The following ATF7IP variants were observed in gnomAD, a reference collection of about 807,000 sequenced individuals.
ATF7IP encodes the protein activating transcription factor 7-interacting protein 1.
In ATF7IP, 23 loss-of-function variants were observed where a neutral mutation model predicts 106.4. That is an observed-to-expected ratio of 0.22 (90% CI 0.16 to 0.31). The LOEUF (loss-of-function observed/expected upper bound fraction) is 0.31. Among genes scored for constraint, ATF7IP ranks in the 10% least tolerant of loss-of-function variants. The probability of loss-of-function intolerance (pLI) is 1.00; values close to 1 mark genes in which losing one functional copy is unlikely to be tolerated. For missense variants in ATF7IP, 1,334 were observed against 1,524.3 expected (o/e 0.88, Z 2.08); for synonymous variants, 542 against 539.0 (o/e 1.01, Z -0.08).
At chr12:14,448,148 T>A (rs1223534996) in intron 6 of ATF7IP, among the ~76,000 whole-genome samples, 3 of 152,190 alleles carry the variant, frequency 2.0e-5, no homozygotes, top group Non-Finnish European at 4.4e-5. Context: ...AAATTGCCAA[T>A]ATCAATAAAT....
intron 5 of ATF7IP, 49 bp from the exon 6 acceptor site, chr12:14,446,939 G>A: frequency 1.6e-6 from 2 of 1,254,308 alleles, no homozygotes; most frequent in South Asian, 1.6e-5. Flanking sequence ...TTTTAATGCT[G>A]TAATACTATT....
chr12:14,472,338 A>G (rs1427872743), intron 10 of ATF7IP, among the ~76,000 whole-genome samples: 2 of 152,224 alleles, frequency 1.3e-5, no homozygotes, highest in African/African-American at 4.8e-5. Flanking sequence ...ATTTTCATTT[A>G]TAAATTAGTC....
chr12:14,396,434 A>G lies in ATF7IP; in HGVS notation c.-7-27475A>G, dbSNP rs191541275. Among the ~76,000 whole-genome samples, 6 of 151,742 alleles carry G rather than the reference A, an allele frequency of 4.0e-5. No homozygotes were observed. In the East Asian group the frequency reaches 1.2e-3, roughly 29 times the overall value. On this transcript the variant is annotated intron_variant, in intron 1 of 14. Transcript: ENST00000261168. ...GTTGCCTTTTGACAGTGTTGCTTGG[A>G]TTTAAAAAAAAAAAGCATATATTTT... is the stretch of plus-strand genomic sequence containing the variant.
Position 14,460,518 on chromosome 12 carries a change from C to T in ATF7IP, c.2182C>T (p.Pro728Ser). 2 of 1,613,886 alleles carry T rather than the reference C, an allele frequency of 1.2e-6. No individual in the cohort carries two copies. The highest frequency in any genetic ancestry group is 1.7e-6 in the Non-Finnish European group (2 of 1,179,864). ...NTVSSTNLVT[P>S]PAVVSSQPKL... ...AGTATCTTCAACCAATCTTGTCACTCCTCCAGCAGTTGTCAGTAGTCAACC... is the reference window on the plus strand; with the variant it reads ...AGTATCTTCAACCAATCTTGTCACTTCTCCAGCAGTTGTCAGTAGTCAACC... Residue 728 changes from proline to serine, a missense_variant, in exon 9 of 15, where the codon CCT (proline) becomes TCT (serine). By Grantham distance (74) the Pro-to-Ser change is moderately conservative. Transcript: ENST00000261168.
chr12:14,424,287 A>G lies in ATF7IP; in HGVS notation c.372A>G (p.Lys124=), dbSNP rs548883815. ...ATATAACTCCAGAACCAGTCTCTAA[A>G]CTGCCTGCTGAACCAGTTTCTGGTG... ...PHNITPEPVS[K]LPAEPVSGDP... The change falls in exon 2 of 15, where the codon AAA becomes AAG. Residue 124 remains lysine, a synonymous_variant. Coordinates refer to ENST00000261168, the MANE Select transcript of ATF7IP (RefSeq NM_018179.5). The G allele has an allele frequency of 3.7e-6, 6 of 1,614,200 alleles. No homozygotes were observed. In the East Asian group the frequency reaches 1.3e-4, roughly 36 times the overall value.
intron 6 of ATF7IP, among the ~76,000 whole-genome samples, chr12:14,452,045 G>GGT (rs144274911): frequency 1.5e-4 from 22 of 151,090 alleles, no homozygotes; most frequent in South Asian, 4.2e-4. Context: ...CTGATGTAGG[G>GGT]GTGTGTGTGT....
intron 2 of ATF7IP, among the ~76,000 whole-genome samples, chr12:14,433,234 C>T (rs1942227619): frequency 6.6e-6 from 1 of 151,940 alleles, no homozygotes; most frequent in Non-Finnish European, 1.5e-5. Flanking sequence ...AGGCCCAGTG[C>T]AGTGGCTTAT....
chr12:14,466,571 C>T lies in ATF7IP; in HGVS notation c.2843C>T (p.Ala948Val), dbSNP rs756074929. The T allele has an allele frequency of 1.2e-6, 2 of 1,604,650 alleles. No individual in the cohort carries two copies. The highest frequency in any genetic ancestry group is 2.3e-5 in the East Asian group (1 of 44,332). Residue 948 changes from alanine to valine, a missense_variant, in exon 10 of 15, where the codon GCA (alanine) becomes GTA (valine). Coordinates refer to ENST00000261168, the MANE Select transcript of ATF7IP (RefSeq NM_018179.5). ...KTIDASVSKK[A>V]ADSTSQCGKA... Reference sequence around the variant, plus strand: ...ATAGATGCTTCTGTCAGTAAGAAAGCAGCTGATAGCACATCACAGGTAAGA... The same window carrying T: ...ATAGATGCTTCTGTCAGTAAGAAAGTAGCTGATAGCACATCACAGGTAAGA...
At chr12:14,450,678 A>G (rs546080824) in intron 6 of ATF7IP, among the ~76,000 whole-genome samples, 1 of 152,336 alleles carries the variant, frequency 6.6e-6, no homozygotes, top group East Asian at 1.9e-4. Context: ...ATGGAATTTG[A>G]AAGTACTCCT....
At chr12:14,377,020 T>C (rs554382342) in intron 1 of ATF7IP, among the ~76,000 whole-genome samples, 7 of 152,150 alleles carry the variant, frequency 4.6e-5, no homozygotes, top group Non-Finnish European at 1.0e-4. Context: ...TTTGAGACAC[T>C]GTCTTGCTGT....
intron 1 of ATF7IP, among the ~76,000 whole-genome samples, chr12:14,395,751 A>G (rs1050017537): frequency 2.0e-5 from 3 of 152,154 alleles, no homozygotes; most frequent in Admixed American, 6.6e-5. Context: ...GATAATGTAT[A>G]TTTATACATA....
intron 1 of ATF7IP, among the ~76,000 whole-genome samples, chr12:14,400,296 C>T (rs1181113738): frequency 1.3e-5 from 2 of 152,098 alleles, no homozygotes; most frequent in Admixed American, 1.3e-4. Flanking sequence ...AATATAATGG[C>T]ATAAAACAGG....
intron 1 of ATF7IP, among the ~76,000 whole-genome samples, chr12:14,366,872 A>G (rs368066605): frequency 3.3e-5 from 5 of 152,158 alleles, no homozygotes; most frequent in African/African-American, 1.2e-4. Flanking sequence ...ACTGTACTGT[A>G]TGCATGTGTG....
At chr12:14,376,512 G>T (rs572879707) in intron 1 of ATF7IP, among the ~76,000 whole-genome samples, 1 of 152,260 alleles carries the variant, frequency 6.6e-6, no homozygotes, top group African/African-American at 2.4e-5. Context: ...TTGATAGGAA[G>T]GTAAGAGTTA....
At chr12:14,405,824 A>G (rs1274718426) in intron 1 of ATF7IP, among the ~76,000 whole-genome samples, 1 of 152,128 alleles carries the variant, frequency 6.6e-6, no homozygotes, top group Non-Finnish European at 1.5e-5. Flanking sequence ...TCTCTAAACT[A>G]TTCTAAGGCA....
At position 14,499,517 on chromosome 12, in the gene ATF7IP, T is replaced by C. The variant is rs1164990150; in HGVS notation, c.*1444T>C. ...AAGGAAGCAAATAGTAAGATTACAA[T>C]ATAGAATGAGCTAAAATATCAAGGG... On this transcript the variant is annotated 3_prime_UTR_variant, in exon 15 of 15. Coordinates refer to ENST00000261168, the MANE Select transcript of ATF7IP (RefSeq NM_018179.5). The C allele has an allele frequency of 6.6e-6, 1 of 152,220 alleles. No individual in the cohort carries two copies. The highest frequency in any genetic ancestry group is 1.5e-5 in the Non-Finnish European group (1 of 68,036). The allele number at this position is 152,220 out of a possible 1,614,324, so 9.4% of individuals were successfully genotyped here.
At chr12:14,414,010 T>C (rs1266062827) in intron 1 of ATF7IP, among the ~76,000 whole-genome samples, 1 of 152,208 alleles carries the variant, frequency 6.6e-6, no homozygotes, top group Non-Finnish European at 1.5e-5. Flanking sequence ...CCTAACTTCT[T>C]CAGTTTTACA....
At chr12:14,431,174 G>A (rs1942103005) in intron 2 of ATF7IP, among the ~76,000 whole-genome samples, 2 of 152,114 alleles carry the variant, frequency 1.3e-5, no homozygotes, top group Admixed American at 1.3e-4. Context: ...TATTAAACAT[G>A]TAATTTGTCT....
chr12:14,372,210 G>T (rs2136394537), intron 1 of ATF7IP, among the ~76,000 whole-genome samples: 1 of 152,048 alleles, frequency 6.6e-6, no homozygotes, highest in East Asian at 1.9e-4. Context: ...GTAAATCAGG[G>T]GCTCCTCCAG....
Sources: gnomAD v4.1 joint callset for allele counts (sites outside exome capture counted in the v4.1 genomes callset) on GRCh38, gnomAD v4.1.1 for gene constraint, MANE v1.5 for transcripts, NCBI Gene and HGNC (gene_info 2026-07-23, HGNC 2026-07-21) for gene names.